The following FSHR variants were observed in gnomAD, a reference collection of about 807,000 sequenced individuals.
FSHR encodes the protein follicle stimulating hormone receptor, also known as follicle-stimulating hormone receptor.
Under a neutral mutation model 52.1 loss-of-function variants are expected in FSHR, and 46 were observed. The observed-to-expected ratio is 0.88, with a 90% CI of 0.70 to 1.13. The LOEUF is 1.13. Among genes scored for constraint, FSHR ranks in the 50% most tolerant of loss-of-function variants. The pLI is 0.00. For missense variants in FSHR, 964 were observed against 834.6 expected, an observed-to-expected ratio of 1.16 and a Z score of -1.91; for synonymous variants, 399 against 309.6, an observed-to-expected ratio of 1.29 and a Z score of -3.03.
chr2:49,107,219 C>CT (rs201360403), intron 1 of FSHR, among the ~76,000 whole-genome samples: 10 of 151,290 alleles, frequency 6.6e-5, no homozygotes, highest in East Asian at 3.9e-4. Context: ...CTTAGTTCCA[C>CT]TTTTTTTTTA....
At chr2:49,005,790 G>C (rs377657666) in intron 4 of FSHR, among the ~76,000 whole-genome samples, 3 of 152,228 alleles carry the variant, frequency 2.0e-5, no homozygotes, top group East Asian at 3.9e-4. Context: ...CAACTGCCCT[G>C]TGATGGTTAA....
At chr2:49,001,436 A>G (rs916317680) in intron 4 of FSHR, among the ~76,000 whole-genome samples, 14 of 152,134 alleles carry the variant, frequency 9.2e-5, no homozygotes, top group Middle Eastern at 3.2e-3. Context: ...AAACCTAAAG[A>G]TATCTCTAGG....
chr2:48,963,491 C>T lies in FSHR; in HGVS notation c.1330G>A (p.Ala444Thr), dbSNP rs202162496. 605 of 1,614,158 alleles carry T rather than the reference C, an allele frequency of 3.7e-4. 1 individual carries two copies. The highest frequency in any genetic ancestry group is 3.0e-3 in the Middle Eastern group (18 of 6,062). ...GCAAAGACAGTGAAAAAGCCAGCAGCATCACAGCCTGCCCCAGTTTGCCAG... is the reference window on the plus strand; with the variant it reads ...GCAAAGACAGTGAAAAAGCCAGCAGTATCACAGCCTGCCCCAGTTTGCCAG... Reference protein sequence around the residue: ...IDWQTGAGCDAAGFFTVFASE... With the variant: ...IDWQTGAGCDTAGFFTVFASE... Residue 444 changes from alanine (A) to threonine (T), a missense_variant, in exon 10 of 10, where the codon GCT (alanine) becomes ACT (threonine). Ala to Thr is a moderately conservative substitution (Grantham distance 58). Coordinates refer to ENST00000406846, the MANE Select transcript of FSHR (RefSeq NM_000145.4).
intron 1 of FSHR, among the ~76,000 whole-genome samples, chr2:49,150,195 C>A (rs1404007231): frequency 6.6e-6 from 1 of 152,028 alleles, no homozygotes; most frequent in Non-Finnish European, 1.5e-5. Flanking sequence ...TCAGAATGAA[C>A]CTGCTCCCTG....
intron 2 of FSHR, among the ~76,000 whole-genome samples, chr2:49,037,146 A>G (rs1668297959): frequency 6.6e-6 from 1 of 152,200 alleles, no homozygotes; most frequent in Non-Finnish European, 1.5e-5. Context: ...AACCAGGGAA[A>G]ACATCAAAGC....
intron 1 of FSHR, among the ~76,000 whole-genome samples, chr2:49,107,286 C>G (rs1671259964): frequency 6.6e-6 from 1 of 151,874 alleles, no homozygotes; most frequent in Non-Finnish European, 1.5e-5. Context: ...TGGGGATTTC[C>G]TCTCTTCTTT....
chr2:49,029,312 G>A (rs1049896152), intron 2 of FSHR, among the ~76,000 whole-genome samples: 1 of 152,004 alleles, frequency 6.6e-6, no homozygotes, highest in Non-Finnish European at 1.5e-5. Flanking sequence ...TTTTTCAACT[G>A]TTTCGTGAAA....
chr2:49,018,236 G>T (rs1184238515), intron 3 of FSHR, among the ~76,000 whole-genome samples: 1 of 152,178 alleles, frequency 6.6e-6, no homozygotes, highest in Non-Finnish European at 1.5e-5. Context: ...ATGGAAAGGG[G>T]TGACTTCTGC....
intron 1 of FSHR, among the ~76,000 whole-genome samples, chr2:49,140,018 C>A (rs150564661): frequency 6.6e-5 from 10 of 152,242 alleles, no homozygotes; most frequent in Non-Finnish European, 8.8e-5. Flanking sequence ...CTGGGGGCAA[C>A]TGAGCCAGCT....
intron 8 of FSHR, among the ~76,000 whole-genome samples, chr2:48,975,618 T>C (rs533380480): frequency 1.3e-5 from 2 of 152,146 alleles, no homozygotes; most frequent in African/African-American, 4.8e-5. Flanking sequence ...TCCATAGCCA[T>C]GTGAGCCAAT....
At chr2:49,127,762 T>C (rs1672065853) in intron 1 of FSHR, among the ~76,000 whole-genome samples, 1 of 29,984 alleles carries the variant, frequency 3.3e-5, no homozygotes, top group Non-Finnish European at 6.1e-5. Flanking sequence ...TTCTTCTTCT[T>C]CTTCTTCTTC....
At position 49,144,193 on chromosome 2, in the gene FSHR, A is replaced by G. The variant is rs180923491; in HGVS notation, c.152+10073T>C. On this transcript the variant is annotated intron_variant, in intron 1 of 9. Coordinates refer to ENST00000406846, the MANE Select transcript of FSHR (RefSeq NM_000145.4). ...AATTTGGAAGAATCTTCTCCAGGAA[A>G]TTCAACCAGCCCAAGTCAAGACATA... is the stretch of plus-strand genomic sequence containing the variant. Among the ~76,000 whole-genome samples, 194 of 152,236 alleles carry G rather than the reference A, an allele frequency of 1.3e-3. 1 individual carries two copies. Among genetic ancestry groups the G allele is most frequent in the African/African-American group, 4.4e-3 (183 of 41,552 alleles).
chr2:48,963,135 C>T lies in FSHR; in HGVS notation c.1686G>A (p.Val562=). The change falls in exon 10 of 10, where the codon GTG becomes GTA. Residue 562 remains valine (V), a synonymous_variant. Coordinates refer to ENST00000406846, the MANE Select transcript of FSHR (RefSeq NM_000145.4). ...IYLTVRNPNI[V]SSSSDTRIAK... ...CGATCCTGGTGTCACTAGAGGAGGACACGATGTTGGGGTTCCGCACTGTGA... is the reference window on the plus strand; with the variant it reads ...CGATCCTGGTGTCACTAGAGGAGGATACGATGTTGGGGTTCCGCACTGTGA... 6.2e-7 allele frequency: 1 copy of T among 1,614,036 alleles called. No individual in the cohort carries two copies. Among genetic ancestry groups the T allele is most frequent in the African/African-American group, 1.3e-5 (1 of 74,998 alleles).
intron 4 of FSHR, among the ~76,000 whole-genome samples, chr2:49,001,853 C>T (rs187437432): frequency 3.8e-4 from 58 of 152,204 alleles, no homozygotes; most frequent in African/African-American, 1.3e-3. Flanking sequence ...GGCTTCAGTT[C>T]TTAATTATAT....
At chr2:49,085,234 A>T (rs1408839797) in intron 1 of FSHR, among the ~76,000 whole-genome samples, 1 of 152,260 alleles carries the variant, frequency 6.6e-6, no homozygotes, top group Non-Finnish European at 1.5e-5. Context: ...AACAGAACCA[A>T]AGACAAAACC....
intron 2 of FSHR, among the ~76,000 whole-genome samples, chr2:49,035,419 T>G (rs1668240668): frequency 6.6e-6 from 1 of 152,220 alleles, no homozygotes; most frequent in African/African-American, 2.4e-5. Context: ...GGCAAAGCCA[T>G]GGAGTGTAAT....
chr2:49,084,125 C>T (rs983256007), intron 1 of FSHR, among the ~76,000 whole-genome samples: 1 of 152,120 alleles, frequency 6.6e-6, no homozygotes, highest in East Asian at 1.9e-4. Flanking sequence ...TGTAGAAGAA[C>T]AGAAATTGTA....
intron 1 of FSHR, among the ~76,000 whole-genome samples, chr2:49,122,835 C>G (rs1357027076): frequency 6.6e-6 from 1 of 152,182 alleles, no homozygotes; most frequent in Non-Finnish European, 1.5e-5. Context: ...TTGCCAAATC[C>G]TGACTCTGTC....
At position 49,000,656 on chromosome 2, in the gene FSHR, GGTTT is replaced by G. The variant is rs1666839164; in HGVS notation, c.375-10023_375-10020del. On this transcript the variant is annotated intron_variant, in intron 4 of 9. Coordinates refer to ENST00000406846, the MANE Select transcript of FSHR (RefSeq NM_000145.4). Reference sequence around the variant, plus strand: ...ATTCGGGGAAAGACTTTGTGAGAAGGGTTTCTGGAGAAAGCTGTAGATTTTTCCC... The same window carrying G: ...ATTCGGGGAAAGACTTTGTGAGAAGGCTGGAGAAAGCTGTAGATTTTTCCC... Among the ~76,000 whole-genome samples the G allele has an allele frequency of 2.0e-5, 3 of 152,220 alleles. No homozygotes were observed. In the South Asian group the frequency reaches 6.2e-4, roughly 32 times the overall value.
Sources: gnomAD v4.1 joint callset for allele counts (sites outside exome capture counted in the v4.1 genomes callset) on GRCh38, gnomAD v4.1.1 for gene constraint, MANE v1.5 for transcripts, NCBI Gene and HGNC (gene_info 2026-07-23, HGNC 2026-07-21) for gene names.